XXYLT1: variants seen among roughly 807,000 people sequenced by gnomAD.
The protein encoded by XXYLT1 is xyloside xylosyltransferase 1, also known as UDP-xylose:alpha-xyloside alpha-1,3-xylosyltransferase.
A neutral mutation model predicts 28.9 loss-of-function variants in XXYLT1; 20 were observed. That is an observed-to-expected ratio of 0.69 (90% CI 0.49 to 1.00). XXYLT1 has a LOEUF of 1.00. XXYLT1 is among the 50% of genes least tolerant of loss of function. XXYLT1 has a pLI of 0.00. For synonymous variants in XXYLT1, 257 were observed against 253.8 expected (o/e 1.01, Z -0.12); for missense variants, 542 against 560.1 (o/e 0.97, Z 0.33).
intron 1 of XXYLT1, among the ~76,000 whole-genome samples, chr3:195,244,518 T>A (rs904863965): frequency 6.6e-6 from 1 of 151,750 alleles, no homozygotes; most frequent in East Asian, 1.9e-4. Context: ...TCCCAGCACT[T>A]TGGGAGGCCA....
chr3:195,150,892 T>TCC lies in XXYLT1; in HGVS notation c.785+5556_785+5557insGG, dbSNP rs1401426291. Among the ~76,000 whole-genome samples, 130 of 127,618 alleles carry TCC rather than the reference T, an allele frequency of 1.0e-3. No individual in the cohort carries two copies. The highest frequency in any genetic ancestry group is 3.8e-3 in the African/African-American group (118 of 31,244). The allele number at this position is 127,618 out of a possible 152,430, so 83.7% of individuals were successfully genotyped here. On this transcript the variant is annotated intron_variant, in intron 3 of 3. Coordinates refer to ENST00000310380, the MANE Select transcript of XXYLT1 (RefSeq NM_152531.5). The surrounding 1 kb of genome is among the most constrained non-coding windows in gnomAD (Gnocchi z 4.7). ...CACTCTCTCCCTCTCCCTCTCCCTC[T>TCC]CTCTCTCTCCATCACTCCAGGGTCA...
At position 195,271,094 on chromosome 3, in the gene XXYLT1, C is replaced by G. The variant is rs1577216426; in HGVS notation, c.-36G>C. The stretch of plus-strand genomic sequence containing the variant: ...ACCGCGGCGCCAGCGGTGCCAGCAA[C>G]GCGGGAGAGCCCTCGGGTACCCGGA... On this transcript the variant is annotated 5_prime_UTR_variant, in exon 1 of 4. Coordinates refer to ENST00000310380, the MANE Select transcript of XXYLT1 (RefSeq NM_152531.5). 1.5e-6 allele frequency: 2 copies of G among 1,304,880 alleles called. No individual in the cohort carries two copies. Among genetic ancestry groups the G allele is most frequent in the Non-Finnish European group, 9.7e-7 (1 of 1,029,984 alleles). The allele number at this position is 1,304,880 out of a possible 1,614,324, so 80.8% of individuals were successfully genotyped here.
At chr3:195,079,644 T>C (rs1368232718) in intron 3 of XXYLT1, among the ~76,000 whole-genome samples, 3 of 151,898 alleles carry the variant, frequency 2.0e-5, no homozygotes, top group Non-Finnish European at 2.9e-5. Context: ...AAGGGGAGAA[T>C]TGCCAGGCAG....
chr3:195,189,544 C>T (rs1317728094), intron 2 of XXYLT1, among the ~76,000 whole-genome samples: 1 of 152,074 alleles, frequency 6.6e-6, no homozygotes, highest in Non-Finnish European at 1.5e-5. Flanking sequence ...CAGACAAATG[C>T]TAGAGTTAGT....
At chr3:195,138,386 C>G (rs373081364) in intron 3 of XXYLT1, among the ~76,000 whole-genome samples, 26 of 152,242 alleles carry the variant, frequency 1.7e-4, no homozygotes, top group African/African-American at 6.3e-4. Flanking sequence ...AGTCAAGGGC[C>G]TGGTCCTTGA....
rs2108697489 is a variant in XXYLT1 at position 195,110,654 on chromosome 3, GGT to G, written c.786-40545_786-40544del. Among the ~76,000 whole-genome samples the G allele has an allele frequency of 1.9e-5, 2 of 102,962 alleles. 1 individual carries two copies. The highest frequency in any genetic ancestry group is 6.9e-4 in the South Asian group (2 of 2,904). 67.5% of individuals were successfully genotyped at this position (102,962 alleles called of 152,430 possible). A position where few individuals can be genotyped will look rare whatever the true frequency, so the allele number is the denominator to read the frequency against. ...TGGTGTGTGATGTATAAGTGTGTGT[GGT>G]GTGTTGTGTGTGGTGTATGTGTGTG... On this transcript the variant is annotated intron_variant, in intron 3 of 3. Coordinates refer to ENST00000310380, the MANE Select transcript of XXYLT1 (RefSeq NM_152531.5).
chr3:195,184,435 T>G (rs1722087084), intron 2 of XXYLT1, among the ~76,000 whole-genome samples: 1 of 152,244 alleles, frequency 6.6e-6, no homozygotes, highest in South Asian at 2.1e-4. Flanking sequence ...GCATGATCTT[T>G]AAACCGAAAA....
At chr3:195,098,484 C>T (rs1356552912) in intron 3 of XXYLT1, among the ~76,000 whole-genome samples, 5 of 152,152 alleles carry the variant, frequency 3.3e-5, no homozygotes, top group Middle Eastern at 3.2e-3. Flanking sequence ...ACCCGGGAGG[C>T]GGAGCTTGCA....
At position 195,069,869 on chromosome 3, in the gene XXYLT1, T is replaced by C. The variant is rs887113703; in HGVS notation, c.1028A>G (p.Lys343Arg). Residue 343 changes from lysine (K) to arginine (R), a missense_variant, in exon 4 of 4, where the codon AAG (lysine) becomes AGG (arginine). Coordinates refer to ENST00000310380, the MANE Select transcript of XXYLT1 (RefSeq NM_152531.5). ...FFTMIGMEHPKLFHVLDCTWN... is the reference protein window; with the variant it reads ...FFTMIGMEHPRLFHVLDCTWN... ...GGTACAGTCCAGCACATGGAAGAGCTTGGGGTGCTCCATGCCGATCATGGT... is the reference window on the plus strand; with the variant it reads ...GGTACAGTCCAGCACATGGAAGAGCCTGGGGTGCTCCATGCCGATCATGGT... The C allele has an allele frequency of 3.1e-6, 5 of 1,614,006 alleles. No homozygotes were observed. The highest frequency in any genetic ancestry group is 8.5e-7 in the Non-Finnish European group (1 of 1,180,020).
At chr3:195,245,775 C>T (rs998707877) in intron 1 of XXYLT1, among the ~76,000 whole-genome samples, 2 of 152,168 alleles carry the variant, frequency 1.3e-5, no homozygotes, top group African/African-American at 2.4e-5. Context: ...AGGCGGTTCA[C>T]GGCAGATCTG....
At chr3:195,242,640 G>A (rs1040748103) in intron 1 of XXYLT1, among the ~76,000 whole-genome samples, 1 of 152,208 alleles carries the variant, frequency 6.6e-6, no homozygotes, top group African/African-American at 2.4e-5. Context: ...TCACATGGGA[G>A]GCTGGAGGAG....
At chr3:195,143,230 G>T (rs1358880227) in intron 3 of XXYLT1, among the ~76,000 whole-genome samples, 2 of 152,198 alleles carry the variant, frequency 1.3e-5, no homozygotes, top group Non-Finnish European at 2.9e-5. Context: ...AACTCTAGGG[G>T]TCAGTTCCCA....
intron 3 of XXYLT1, among the ~76,000 whole-genome samples, chr3:195,075,114 T>C (rs1313092324): frequency 6.6e-6 from 1 of 152,130 alleles, no homozygotes; most frequent in Non-Finnish European, 1.5e-5. Context: ...TAGCCGGGCA[T>C]GGTGGCGTGC....
In XXYLT1 at chr3:195,130,787, G is replaced by A. The variant is rs556519959; in HGVS notation, c.785+25662C>T. 2.7e-4 allele frequency among the ~76,000 whole-genome samples: 41 copies of A among 152,292 alleles called. No individual in the cohort carries two copies. In the South Asian group the frequency reaches 7.5e-3, roughly 28 times the overall value. The stretch of plus-strand genomic sequence containing the variant: ...TACCCATGGCCATACACAACAAAAC[G>A]TGCATACAATTTCAGGGTGCAGGGA... On this transcript the variant is annotated intron_variant, in intron 3 of 3. Transcript: ENST00000310380.
intron 3 of XXYLT1, among the ~76,000 whole-genome samples, chr3:195,151,786 G>A (rs28489351): frequency 7.6e-4 from 116 of 151,874 alleles, no homozygotes; most frequent in African/African-American, 2.4e-3. Context: ...TATTTTAAAT[G>A]GCAACCCTAT....
intron 2 of XXYLT1, among the ~76,000 whole-genome samples, chr3:195,193,662 A>G (rs1722511265): frequency 6.6e-6 from 1 of 152,226 alleles, no homozygotes; most frequent in South Asian, 2.1e-4. Context: ...AGAAATCCAG[A>G]CGGTGTGATA....
intron 2 of XXYLT1, among the ~76,000 whole-genome samples, chr3:195,219,731 C>T (rs1420332887): frequency 6.6e-6 from 1 of 152,208 alleles, no homozygotes; most frequent in Non-Finnish European, 1.5e-5. Flanking sequence ...AGAGACCAAC[C>T]ATCTGCCTGC....
intron 3 of XXYLT1, among the ~76,000 whole-genome samples, chr3:195,070,718 C>T (rs1211820783): frequency 6.6e-6 from 1 of 152,152 alleles, no homozygotes; most frequent in Non-Finnish European, 1.5e-5. Context: ...CTGTTTTCTG[C>T]TTTAGAACAA....
rs35541699 is a variant in XXYLT1 at position 195,161,634 on chromosome 3, A to AT, written c.653-5054dup. Reference sequence around the variant, plus strand: ...CTCTATGAGATATATAGATATATAGATTTTTTTTTTTTTTTTTTGAGATGG... The same window carrying AT: ...CTCTATGAGATATATAGATATATAGATTTTTTTTTTTTTTTTTTTGAGATGG... On this transcript the variant is annotated intron_variant, in intron 2 of 3. Transcript: ENST00000310380. 6.3e-3 allele frequency among the ~76,000 whole-genome samples: 876 copies of AT among 138,858 alleles called. 7 individuals carry two copies. Among genetic ancestry groups the AT allele is most frequent in the African/African-American group, 0.016 (580 of 36,886 alleles). 91.1% of individuals were successfully genotyped at this position (138,858 alleles called of 152,430 possible).
Sources: gnomAD v4.1 joint callset for allele counts (sites outside exome capture counted in the v4.1 genomes callset) on GRCh38, gnomAD v4.1.1 for gene constraint, Gnocchi (gnomAD v3.1) non-coding constraint, MANE v1.5 for transcripts, NCBI Gene and HGNC (gene_info 2026-07-23, HGNC 2026-07-21) for gene names.